The following ADAM32 variants were observed in gnomAD, a reference collection of about 807,000 sequenced individuals.
The protein encoded by ADAM32 is ADAM metallopeptidase domain 32.
A neutral mutation model predicts 114.9 loss-of-function variants in ADAM32; 89 were observed. The ratio of observed to expected loss-of-function variants is 0.77; its 90% confidence interval spans 0.65 to 0.92. The LOEUF (loss-of-function observed/expected upper bound fraction) is 0.92, where lower values mean the gene tolerates loss of function less well. Ranked by LOEUF, ADAM32 falls within the 40% of genes least tolerant of loss-of-function variation. The pLI is 0.00. For synonymous variants in ADAM32, 285 were observed against 307.5 expected (o/e 0.93, Z 0.77); for missense variants, 870 against 932.8 (o/e 0.93, Z 0.88).
At chr8:39,189,884 G>A (rs773208684) in intron 11 of ADAM32, among the ~76,000 whole-genome samples, 136 of 151,958 alleles carry the variant, frequency 8.9e-4, no homozygotes, top group African/African-American at 2.7e-3. Context: ...TGCAAGCTTC[G>A]GCTCACTGCA....
chr8:39,187,050 GT>G lies in ADAM32; in HGVS notation c.1052+9del. 6.3e-7 allele frequency: 1 copy of G among 1,594,346 alleles called. No homozygotes were observed. The highest frequency in any genetic ancestry group is 1.2e-5 in the South Asian group (1 of 86,688). On this transcript the variant is annotated splice_donor_region_variant and intron_variant, in intron 11 of 24. Coordinates refer to ENST00000379907, the MANE Select transcript of ADAM32 (RefSeq NM_145004.7). ...TATAATGAATCCAGAAGTTGTGTAA[GT>G]TTTAACAATTTATTTATTGCTTATG...
intron 12 of ADAM32, among the ~76,000 whole-genome samples, chr8:39,211,836 G>A (rs10094572): frequency 0.71 from 108,261 of 151,968 alleles, 38,734 homozygotes; most frequent in Middle Eastern, 0.79. Flanking sequence ...AGTATTTGTA[G>A]CAGTACTGCA....
chr8:39,185,871 G>A (rs966823150), intron 10 of ADAM32, among the ~76,000 whole-genome samples: 11 of 149,144 alleles, frequency 7.4e-5, no homozygotes, highest in Non-Finnish European at 1.0e-4. Context: ...TCCAGCTATC[G>A]TCATTAAAAC....
At chr8:39,156,799 T>C (rs1474459438) in intron 6 of ADAM32, among the ~76,000 whole-genome samples, 1 of 152,192 alleles carries the variant, frequency 6.6e-6, no homozygotes, top group Non-Finnish European at 1.5e-5. Context: ...AATTTTCTCT[T>C]ATAAAGATAC....
At chr8:39,155,283 AAT>A (rs1804074468) in intron 6 of ADAM32, among the ~76,000 whole-genome samples, 1 of 152,232 alleles carries the variant, frequency 6.6e-6, no homozygotes, top group African/African-American at 2.4e-5. Flanking sequence ...GAGGAAATCA[AAT>A]TGTCCTCATA....
rs570160976 is a variant in ADAM32 at position 39,223,054 on chromosome 8, C to T, written c.1341C>T (p.Gly447=). 4.1e-5 allele frequency: 65 copies of T among 1,580,470 alleles called. 1 individual carries two copies. Among genetic ancestry groups the T allele is most frequent in the South Asian group, 2.7e-4 (23 of 84,524 alleles). ...ACTTCTCTTAGATTTTACAATCAGG[C>T]GTTGAATGTAGGCCGAAAGCACATC... ...CCKDCQILQS[G]VECRPKAHPE... The change falls in exon 14 of 25, where the codon GGC becomes GGT. Residue 447 remains glycine (G), a synonymous_variant. Transcript: ENST00000379907.
At chr8:39,184,332 A>G (rs1193254391) in intron 10 of ADAM32, among the ~76,000 whole-genome samples, 2 of 152,256 alleles carry the variant, frequency 1.3e-5, no homozygotes, top group East Asian at 3.9e-4. Flanking sequence ...CTATCATAAC[A>G]TGTCTCACTC....
At chr8:39,209,126 A>T (rs372578565) in intron 11 of ADAM32, among the ~76,000 whole-genome samples, 1 of 152,108 alleles carries the variant, frequency 6.6e-6, no homozygotes, top group Non-Finnish European at 1.5e-5. Context: ...TGACTTGTAC[A>T]TTTGGTATCT....
intron 14 of ADAM32, among the ~76,000 whole-genome samples, chr8:39,225,757 C>T (rs1809317650): frequency 6.6e-6 from 1 of 151,198 alleles, no homozygotes; most frequent in South Asian, 2.1e-4. Context: ...CTCTACCCTT[C>T]TAACAGCCTT....
chr8:39,281,728 T>TTGTGGC (rs1813432498), intron 23 of ADAM32, among the ~76,000 whole-genome samples: 1 of 152,184 alleles, frequency 6.6e-6, no homozygotes, highest in Non-Finnish European at 1.5e-5. Context: ...CACCCCACAG[T>TTGTGGC]TGTGGCTTTG....
At chr8:39,253,514 C>T (rs1309355348) in intron 17 of ADAM32, among the ~76,000 whole-genome samples, 1 of 151,498 alleles carries the variant, frequency 6.6e-6, no homozygotes, top group African/African-American at 2.4e-5. Context: ...TGATTGTATA[C>T]ACAGGAAACC....
intron 3 of ADAM32, among the ~76,000 whole-genome samples, chr8:39,138,219 A>G (rs1405687593): frequency 6.6e-6 from 1 of 152,118 alleles, no homozygotes; most frequent in East Asian, 1.9e-4. Context: ...ACATGTGCAC[A>G]GCGTGCAGGT....
chr8:39,207,176 A>G (rs1210664407), intron 11 of ADAM32, among the ~76,000 whole-genome samples: 1 of 152,064 alleles, frequency 6.6e-6, no homozygotes, highest in Non-Finnish European at 1.5e-5. Flanking sequence ...GTCTTTCTAC[A>G]TCTCAGAAGT....
At chr8:39,125,398 C>G (rs1186865334) in intron 2 of ADAM32, among the ~76,000 whole-genome samples, 1 of 152,040 alleles carries the variant, frequency 6.6e-6, no homozygotes, top group Non-Finnish European at 1.5e-5. Context: ...TTTGGAAGCA[C>G]GTAACTTGTC....
At chr8:39,160,536 T>G (rs1204954745) in intron 6 of ADAM32, among the ~76,000 whole-genome samples, 1 of 51,844 alleles carries the variant, frequency 1.9e-5, no homozygotes, top group Non-Finnish European at 3.2e-5. Flanking sequence ...CGAGACTCCA[T>G]CTCAAAAAAA....
At chr8:39,120,988 G>A (rs1035260890) in intron 2 of ADAM32, among the ~76,000 whole-genome samples, 10 of 152,098 alleles carry the variant, frequency 6.6e-5, no homozygotes, top group African/African-American at 2.4e-4. Flanking sequence ...TGTCATCACT[G>A]CTTATAGAAA....
intron 14 of ADAM32, among the ~76,000 whole-genome samples, chr8:39,224,499 C>T (rs1471547483): frequency 6.6e-6 from 1 of 151,996 alleles, no homozygotes; most frequent in African/African-American, 2.4e-5. Flanking sequence ...CATTGTGGTT[C>T]TGTGATTAGT....
chr8:39,234,090 A>T lies in ADAM32; in HGVS notation c.1818+8A>T. The T allele has an allele frequency of 3.0e-6, 4 of 1,330,950 alleles. No homozygotes were observed. In the South Asian group the frequency reaches 9.0e-5, roughly 30 times the overall value. 82.4% of individuals were successfully genotyped at this position (1,330,950 alleles called of 1,614,324 possible). On this transcript the variant is annotated splice_region_variant and intron_variant, in intron 16 of 24. Transcript: ENST00000379907. Reference sequence around the variant, plus strand: ...CAGTGTGATATTGGGAGGGTAAATAATTTAAAATCTATTTAAAAAATATAG... The same window carrying T: ...CAGTGTGATATTGGGAGGGTAAATATTTTAAAATCTATTTAAAAAATATAG...
chr8:39,230,892 A>G (rs1485913610), intron 14 of ADAM32, among the ~76,000 whole-genome samples: 1 of 152,182 alleles, frequency 6.6e-6, no homozygotes, highest in African/African-American at 2.4e-5. Flanking sequence ...CATATATATT[A>G]TTATCTACTT....
Sources: allele counts gnomAD v4.1 joint callset (sites outside exome capture counted in the v4.1 genomes callset), GRCh38; gene constraint gnomAD v4.1.1; transcripts MANE v1.5; gene names NCBI Gene and HGNC (gene_info 2026-07-23, HGNC 2026-07-21).